FNDC3B: variants seen among roughly 807,000 people sequenced by gnomAD.
FNDC3B encodes the protein fibronectin type III domain containing 3B.
In FNDC3B, 12 loss-of-function variants were observed where a neutral mutation model predicts 151.5. That is an observed-to-expected ratio of 0.08 (90% CI 0.05 to 0.13). The LOEUF (loss-of-function observed/expected upper bound fraction) is 0.13, where lower values mean the gene tolerates loss of function less well. Among genes scored for constraint, FNDC3B ranks in the 10% least tolerant of loss-of-function variants. FNDC3B has a pLI of 1.00. For synonymous variants in FNDC3B, 528 were observed against 549.0 expected (o/e 0.96, Z 0.54); for missense variants, 1,214 against 1,505.3 (o/e 0.81, Z 3.20).
chr3:172,116,469 T>C (rs753108841), intron 2 of FNDC3B, among the ~76,000 whole-genome samples: 1 of 152,200 alleles, frequency 6.6e-6, no homozygotes, highest in Admixed American at 6.5e-5. Context: ...AATTCACTTA[T>C]TTTCTGTCTC....
chr3:172,093,350 C>A lies in FNDC3B; in HGVS notation c.-28-19102C>A, dbSNP rs555854535. Among the ~76,000 whole-genome samples, 46 of 151,920 alleles carry A rather than the reference C, an allele frequency of 3.0e-4. No individual in the cohort carries two copies. The South Asian group carries it at 8.3e-3, about 28-fold the overall frequency. On this transcript the variant is annotated intron_variant, in intron 1 of 25. Transcript: ENST00000415807. ...CTTGGCTCACTGCAAGCTCCGCCTC[C>A]CGGGTTCACGCCATTCTCCTGCCTC...
At chr3:172,122,754 T>G (rs1020615581) in intron 2 of FNDC3B, among the ~76,000 whole-genome samples, 3 of 152,212 alleles carry the variant, frequency 2.0e-5, no homozygotes, top group African/African-American at 7.2e-5. Context: ...TAGACAAGCA[T>G]TTGAATAAAA....
In FNDC3B at chr3:172,362,589, T is replaced by A. The variant is rs778966899; in HGVS notation, c.2796-44T>A. The A allele has an allele frequency of 4.9e-5, 68 of 1,377,840 alleles. 1 individual carries two copies. In the South Asian group the frequency reaches 7.8e-4, roughly 16 times the overall value. The allele number at this position is 1,377,840 out of a possible 1,614,324, so 85.4% of individuals were successfully genotyped here. A position where few individuals can be genotyped will look rare whatever the true frequency, so the allele number is the denominator to read the frequency against. On this transcript the variant is annotated intron_variant, in intron 22 of 25. Transcript: ENST00000415807. Reference sequence around the variant, plus strand: ...TTTATTTCGAATGAAGAATTGCTGCTGCTTTAACCTGCATTGTCTGTATTT... The same window carrying A: ...TTTATTTCGAATGAAGAATTGCTGCAGCTTTAACCTGCATTGTCTGTATTT...
intron 3 of FNDC3B, among the ~76,000 whole-genome samples, chr3:172,199,780 G>A (rs1480538875): frequency 6.6e-6 from 1 of 152,116 alleles, no homozygotes; most frequent in Non-Finnish European, 1.5e-5. Context: ...TAAAAACAAG[G>A]AAGACAATTA....
chr3:172,142,214 A>AC (rs1035893944), intron 3 of FNDC3B, among the ~76,000 whole-genome samples: 32 of 151,220 alleles, frequency 2.1e-4, no homozygotes, highest in South Asian at 8.4e-4. Flanking sequence ...GTGGGCATTG[A>AC]CCCCCCCTTC....
At chr3:172,102,706 G>C (rs1457111698) in intron 1 of FNDC3B, among the ~76,000 whole-genome samples, 2 of 152,136 alleles carry the variant, frequency 1.3e-5, no homozygotes, top group Non-Finnish European at 2.9e-5. Context: ...GCAAGGGCTG[G>C]GTAAAGCGTG....
chr3:172,188,564 C>T lies in FNDC3B; in HGVS notation c.188-38307C>T, dbSNP rs190551860. Among the ~76,000 whole-genome samples the T allele has an allele frequency of 1.4e-3, 208 of 152,214 alleles. 6 individuals are homozygous for T. The highest frequency in any genetic ancestry group is 0.013 in the Admixed American group (203 of 15,294). ...GGGACTTCAGGCGGGTGCCACCACG[C>T]CCGGCTAATTTTTTGTATTTTTGGT... On this transcript the variant is annotated intron_variant, in intron 3 of 25. Transcript: ENST00000415807.
chr3:172,261,341 T>C (rs1728637923), intron 6 of FNDC3B, among the ~76,000 whole-genome samples: 1 of 152,166 alleles, frequency 6.6e-6, no homozygotes, highest in Non-Finnish European at 1.5e-5. Flanking sequence ...CAACATCGAT[T>C]TTGTCATTGC....
intron 11 of FNDC3B, among the ~76,000 whole-genome samples, chr3:172,319,852 G>A (rs887408508): frequency 2.0e-5 from 3 of 152,188 alleles, no homozygotes; most frequent in African/African-American, 7.2e-5. Context: ...TCTGGCCGTA[G>A]TTCAGTTGGC....
chr3:172,142,843 G>A (rs1336387132), intron 3 of FNDC3B, among the ~76,000 whole-genome samples: 1 of 152,192 alleles, frequency 6.6e-6, no homozygotes, highest in Non-Finnish European at 1.5e-5. Flanking sequence ...AGTTCTGGAG[G>A]CTGGGAAATC....
chr3:172,322,016 G>A (rs762742194), intron 11 of FNDC3B, among the ~76,000 whole-genome samples: 16 of 152,330 alleles, frequency 1.1e-4, no homozygotes, highest in Non-Finnish European at 2.1e-4. Flanking sequence ...TGCTATAAAC[G>A]TATATAGACT....
At chr3:172,042,766 A>G (rs920439020) in intron 1 of FNDC3B, among the ~76,000 whole-genome samples, 1 of 152,012 alleles carries the variant, frequency 6.6e-6, no homozygotes, top group Non-Finnish European at 1.5e-5. Flanking sequence ...CCAGCATAGC[A>G]GCCACAAGCC....
At chr3:172,095,884 AAAC>A (rs147625470) in intron 1 of FNDC3B, among the ~76,000 whole-genome samples, 4,498 of 152,326 alleles carry the variant, frequency 0.03, 92 homozygotes, top group Non-Finnish European at 0.042. Context: ...TTCCCCCTAC[AAAC>A]AATGTGTTGT....
At chr3:172,199,324 C>T (rs1725012644) in intron 3 of FNDC3B, among the ~76,000 whole-genome samples, 3 of 151,596 alleles carry the variant, frequency 2.0e-5, no homozygotes, top group Non-Finnish European at 2.9e-5. Context: ...GGACTACAGG[C>T]GCCCGCCACC....
chr3:172,234,865 C>T (rs949514772), intron 4 of FNDC3B, among the ~76,000 whole-genome samples: 1 of 151,964 alleles, frequency 6.6e-6, no homozygotes, highest in East Asian at 1.9e-4. Context: ...AAAACTTTAC[C>T]AAGGTTAGAT....
intron 1 of FNDC3B, among the ~76,000 whole-genome samples, chr3:172,107,123 C>A (rs987322288): frequency 2.0e-5 from 3 of 152,094 alleles, no homozygotes; most frequent in African/African-American, 7.2e-5. Context: ...TCACAAGTGC[C>A]CACGTGGCAG....
At position 172,352,009 on chromosome 3, in the gene FNDC3B, C is replaced by T. The variant is rs983085599; in HGVS notation, c.2515-794C>T. 2.0e-5 allele frequency among the ~76,000 whole-genome samples: 3 copies of T among 152,064 alleles called. No individual in the cohort carries two copies. The highest frequency in any genetic ancestry group is 6.6e-5 in the Admixed American group (1 of 15,266). On this transcript the variant is annotated intron_variant, in intron 21 of 25. Coordinates refer to ENST00000415807, the MANE Select transcript of FNDC3B (RefSeq NM_022763.4). This position sits in a 1 kb window ranked among gnomAD's most constrained non-coding sequence, Gnocchi z 4.2. ...AAATTGGGGAGTAGGTTATCAGTGG[C>T]GTTTACTCCTTGAGACAAGACGACA...
intron 13 of FNDC3B, among the ~76,000 whole-genome samples, chr3:172,332,403 A>G (rs979919876): frequency 2.0e-5 from 3 of 152,238 alleles, no homozygotes; most frequent in African/African-American, 7.2e-5. Context: ...AGTTTTTGTC[A>G]TAGCACTTAA....
intron 1 of FNDC3B, among the ~76,000 whole-genome samples, chr3:172,070,308 A>C (rs779652642): frequency 6.6e-6 from 1 of 152,210 alleles, no homozygotes; most frequent in Non-Finnish European, 1.5e-5. Flanking sequence ...ACCTTTCGAA[A>C]GTCTTAAAAA....
Sources: gnomAD v4.1 joint callset for allele counts (sites outside exome capture counted in the v4.1 genomes callset) on GRCh38, gnomAD v4.1.1 for gene constraint, Gnocchi (gnomAD v3.1) non-coding constraint, MANE v1.5 for transcripts, NCBI Gene and HGNC (gene_info 2026-07-23, HGNC 2026-07-21) for gene names.